Variants in GBE1 observed in about 807,000 individuals in gnomAD.
The protein encoded by GBE1 is 1,4-alpha-glucan branching enzyme 1.
Under a neutral mutation model 88.8 loss-of-function variants are expected in GBE1, and 70 were observed. The ratio of observed to expected loss-of-function variants is 0.79; its 90% CI spans 0.65 to 0.96. The LOEUF (loss-of-function observed/expected upper bound fraction) is 0.96, where lower values mean the gene tolerates loss of function less well. GBE1 is among the 40% of genes least tolerant of loss of function. The probability of loss-of-function intolerance (pLI) is 0.00; values close to 1 mark genes in which losing one functional copy is unlikely to be tolerated. For missense variants in GBE1, 872 were observed against 871.0 expected, an observed-to-expected ratio of 1.00 and a Z score of -0.01; for synonymous variants, 284 against 300.1, an observed-to-expected ratio of 0.95 and a Z score of 0.56.
chr3:81,717,634 T>C (rs190732550), intron 1 of GBE1, among the ~76,000 whole-genome samples: 5 of 152,310 alleles, frequency 3.3e-5, no homozygotes, highest in Admixed American at 3.3e-4. Flanking sequence ...AACTCTAAGA[T>C]ACTAGCAATG....
chr3:81,520,045 G>C (rs912350256), intron 14 of GBE1, among the ~76,000 whole-genome samples: 22 of 151,432 alleles, frequency 1.5e-4, no homozygotes, highest in African/African-American at 5.1e-4. Flanking sequence ...AAAGAATATG[G>C]GCTATGGAAA....
chr3:81,505,580 G>A (rs1436938396), intron 14 of GBE1, among the ~76,000 whole-genome samples: 1 of 152,108 alleles, frequency 6.6e-6, no homozygotes, highest in African/African-American at 2.4e-5. Context: ...GCCAAATTAT[G>A]CCTACTTTAT....
chr3:81,505,017 T>C (rs1430133573), intron 14 of GBE1, among the ~76,000 whole-genome samples: 2 of 152,184 alleles, frequency 1.3e-5, no homozygotes, highest in African/African-American at 4.8e-5. Flanking sequence ...TAAGTTACAA[T>C]GTATCTTCAA....
In GBE1 at chr3:81,494,459, A is replaced by C. The variant is rs145146656; in HGVS notation, c.2053-3996T>G. On this transcript the variant is annotated intron_variant, in intron 15 of 15. Coordinates refer to ENST00000429644, the MANE Select transcript of GBE1 (RefSeq NM_000158.4). ...AGAGAAAAGAAACATGAACACATTT[A>C]AGTAGATTTAAACACAATCATTTAA... is the stretch of plus-strand genomic sequence containing the variant. Among the ~76,000 whole-genome samples the C allele has an allele frequency of 5.3e-3, 802 of 152,324 alleles. 4 individuals carry two copies. The highest frequency in any genetic ancestry group is 8.9e-3 in the Non-Finnish European group (608 of 68,014).
intron 12 of GBE1, among the ~76,000 whole-genome samples, chr3:81,576,968 T>C (rs73127066): frequency 2.4e-4 from 36 of 152,208 alleles, no homozygotes; most frequent in Non-Finnish European, 4.9e-4. Context: ...AAATTAGAGA[T>C]AGGGTCTTGC....
At chr3:81,669,386 G>A (rs1269190470) in intron 3 of GBE1, among the ~76,000 whole-genome samples, 10 of 152,008 alleles carry the variant, frequency 6.6e-5, no homozygotes, top group Non-Finnish European at 1.3e-4. Context: ...AAAAAGTTCC[G>A]AACCTAAAAC....
At chr3:81,711,783 A>G (rs1451566520) in intron 1 of GBE1, among the ~76,000 whole-genome samples, 1 of 152,238 alleles carries the variant, frequency 6.6e-6, no homozygotes, top group Non-Finnish European at 1.5e-5. Context: ...AGCAATGGCA[A>G]CAGAAGCCGA....
intron 12 of GBE1, among the ~76,000 whole-genome samples, chr3:81,546,820 CTT>C (rs2106886734): frequency 6.6e-6 from 1 of 151,514 alleles, no homozygotes; most frequent in South Asian, 2.1e-4. Context: ...CATTCCTCTA[CTT>C]TCTTAATAAA....
intron 12 of GBE1, among the ~76,000 whole-genome samples, chr3:81,573,816 G>T (rs575770088): frequency 6.6e-6 from 1 of 150,598 alleles, no homozygotes; most frequent in South Asian, 2.1e-4. Context: ...CTGTGCACAG[G>T]TACCATAAAA....
chr3:81,523,152 C>T (rs1702896268), intron 14 of GBE1, among the ~76,000 whole-genome samples: 1 of 150,380 alleles, frequency 6.6e-6, no homozygotes, highest in Non-Finnish European at 1.5e-5. Flanking sequence ...CAGTAATACA[C>T]TATGCTATAT....
chr3:81,500,544 G>T (rs1702573372), intron 14 of GBE1, among the ~76,000 whole-genome samples: 1 of 152,152 alleles, frequency 6.6e-6, no homozygotes, highest in African/African-American at 2.4e-5. Flanking sequence ...AAAAACAACT[G>T]AATTAAAATA....
intron 9 of GBE1, 121 bp downstream of exon 9, chr3:81,590,916 C>G (rs1385266536): frequency 1.3e-6 from 1 of 789,562 alleles, no homozygotes; most frequent in Admixed American, 3.4e-5. Context: ...GCACTATACT[C>G]AGGGTAGAAT....
At chr3:81,535,918 G>C (rs563841347) in intron 13 of GBE1, among the ~76,000 whole-genome samples, 47 of 151,950 alleles carry the variant, frequency 3.1e-4, no homozygotes, top group Non-Finnish European at 5.0e-4. Context: ...TCATCATCAT[G>C]TATTTACAGT....
chr3:81,682,987 C>G (rs1705373777), intron 2 of GBE1, among the ~76,000 whole-genome samples: 1 of 152,092 alleles, frequency 6.6e-6, no homozygotes, highest in Non-Finnish European at 1.5e-5. Context: ...AGAATCACAT[C>G]ACAAAAAAAC....
chr3:81,621,488 C>A (rs76459355), intron 7 of GBE1, among the ~76,000 whole-genome samples: 19,388 of 152,078 alleles, frequency 0.13, 1,803 homozygotes, highest in East Asian at 0.37. Flanking sequence ...TAAGGGAAGT[C>A]ACAGCATGCT....
chr3:81,591,780 T>C (rs1703881717), intron 8 of GBE1, among the ~76,000 whole-genome samples: 1 of 152,162 alleles, frequency 6.6e-6, no homozygotes, highest in African/African-American at 2.4e-5. Context: ...TTTACTCTTA[T>C]TGTTATAATA....
intron 7 of GBE1, among the ~76,000 whole-genome samples, chr3:81,596,054 A>G (rs1703952718): frequency 6.6e-6 from 1 of 151,976 alleles, no homozygotes; most frequent in Admixed American, 6.6e-5. Flanking sequence ...TCAAATTTCT[A>G]GTGCTTTTAA....
At chr3:81,633,081 C>G (rs1704539344) in intron 7 of GBE1, among the ~76,000 whole-genome samples, 1 of 152,156 alleles carries the variant, frequency 6.6e-6, no homozygotes, top group South Asian at 2.1e-4. Flanking sequence ...TGTGATACAA[C>G]AACGAACAAA....
intron 2 of GBE1, among the ~76,000 whole-genome samples, chr3:81,702,040 G>A (rs547511195): frequency 3.4e-5 from 5 of 146,658 alleles, no homozygotes; most frequent in South Asian, 4.4e-4. Flanking sequence ...AGGAAAAAAC[G>A]GATTTTATGT....
Sources: allele counts gnomAD v4.1 joint callset (sites outside exome capture counted in the v4.1 genomes callset), GRCh38; gene constraint gnomAD v4.1.1; transcripts MANE v1.5; gene names NCBI Gene and HGNC (gene_info 2026-07-23, HGNC 2026-07-21).